The following NRF1 variants were observed in gnomAD, a reference collection of about 807,000 sequenced individuals.
NRF1 encodes the protein alpha palindromic-binding protein.
Under a neutral mutation model 58.5 loss-of-function variants are expected in NRF1, and 5 were observed. That is an observed-to-expected ratio of 0.09 (90% CI 0.04 to 0.18). The LOEUF (loss-of-function observed/expected upper bound fraction) is 0.18. Ranked by LOEUF, NRF1 falls within the 10% of genes least tolerant of loss-of-function variation. NRF1 has a pLI of 1.00. For synonymous variants in NRF1, 224 were observed against 246.7 expected (o/e 0.91, Z 0.86); for missense variants, 288 against 657.7 (o/e 0.44, Z 6.15).
chr7:129,617,236 G>T (rs958538529), intron 1 of NRF1, among the ~76,000 whole-genome samples: 1 of 152,138 alleles, frequency 6.6e-6, no homozygotes, highest in Non-Finnish European at 1.5e-5. Context: ...TTTAAAAAGA[G>T]CATGTATTTT....
At chr7:129,700,495 C>T (rs1802796343) in intron 5 of NRF1, among the ~76,000 whole-genome samples, 1 of 152,174 alleles carries the variant, frequency 6.6e-6, no homozygotes, top group African/African-American at 2.4e-5. Flanking sequence ...ATCACAATTC[C>T]AAACTGCTTC....
At chr7:129,745,516 C>G (rs112675447) in intron 10 of NRF1, among the ~76,000 whole-genome samples, 8 of 140,342 alleles carry the variant, frequency 5.7e-5, no homozygotes, top group African/African-American at 1.0e-4. Context: ...ACCCCCCCCC[C>G]ATCCATGGAA....
intron 4 of NRF1, among the ~76,000 whole-genome samples, chr7:129,686,952 A>G (rs1802456081): frequency 6.6e-6 from 1 of 152,236 alleles, no homozygotes; most frequent in Non-Finnish European, 1.5e-5. Context: ...AAATGTTGAC[A>G]CAATGCTATC....
At chr7:129,618,278 C>G (rs1229996741) in intron 1 of NRF1, among the ~76,000 whole-genome samples, 1 of 152,030 alleles carries the variant, frequency 6.6e-6, no homozygotes, top group Admixed American at 6.6e-5. Context: ...GAGTATGACT[C>G]CAGATGTGTT....
At chr7:129,635,066 A>G (rs1431534666) in intron 1 of NRF1, among the ~76,000 whole-genome samples, 1 of 152,178 alleles carries the variant, frequency 6.6e-6, no homozygotes, top group Non-Finnish European at 1.5e-5. Context: ...TTGTTGGAAT[A>G]GTGTATAAAT....
chr7:129,711,721 T>G (rs2116199082), intron 8 of NRF1, 145 bp downstream of exon 8: 2 of 619,098 alleles, frequency 3.2e-6, no homozygotes, highest in East Asian at 5.7e-5. Flanking sequence ...ATGAAAGTTT[T>G]AGAAAGTGTC....
At chr7:129,614,811 T>G (rs1417619829) in intron 1 of NRF1, among the ~76,000 whole-genome samples, 1 of 152,240 alleles carries the variant, frequency 6.6e-6, no homozygotes, top group Non-Finnish European at 1.5e-5. Flanking sequence ...ACGATAATTA[T>G]GCACTTGTCT....
intron 5 of NRF1, 82 bp from the exon 6 acceptor site, chr7:129,708,990 GTTT>G (rs1803011609): frequency 8.5e-7 from 1 of 1,182,042 alleles, no homozygotes; most frequent in African/African-American, 1.6e-5. Flanking sequence ...AAACCTCTCT[GTTT>G]TATAAGGTTA....
intron 2 of NRF1, among the ~76,000 whole-genome samples, chr7:129,665,776 C>T (rs1002753074): frequency 2.0e-5 from 3 of 152,096 alleles, no homozygotes; most frequent in African/African-American, 7.2e-5. Flanking sequence ...CCATGCCCAG[C>T]TAATTTTTTA....
At chr7:129,695,385 T>G (rs1802664185) in intron 5 of NRF1, among the ~76,000 whole-genome samples, 1 of 152,052 alleles carries the variant, frequency 6.6e-6, no homozygotes, top group African/African-American at 2.4e-5. Flanking sequence ...GAGAGCAGCC[T>G]GGCCAACATG....
At chr7:129,675,475 C>T (rs1400754746) in intron 3 of NRF1, among the ~76,000 whole-genome samples, 5 of 152,190 alleles carry the variant, frequency 3.3e-5, no homozygotes, top group African/African-American at 1.2e-4. Context: ...ATCACTATAG[C>T]AGCTATATCC....
intron 5 of NRF1, among the ~76,000 whole-genome samples, chr7:129,691,163 A>C (rs1802557884): frequency 6.6e-6 from 1 of 152,068 alleles, no homozygotes; most frequent in Admixed American, 6.6e-5. Flanking sequence ...TGCTGGGATT[A>C]CAGGCATGAG....
intron 5 of NRF1, among the ~76,000 whole-genome samples, chr7:129,702,247 G>A (rs1163507434): frequency 6.6e-6 from 1 of 152,158 alleles, no homozygotes; most frequent in Admixed American, 6.5e-5. Context: ...GACTTTAAGA[G>A]CATTTTGATT....
At chr7:129,658,985 A>G (rs1042358480) in intron 2 of NRF1, among the ~76,000 whole-genome samples, 1 of 151,708 alleles carries the variant, frequency 6.6e-6, no homozygotes, top group African/African-American at 2.4e-5. Context: ...ACCATTTTAT[A>G]TCAGGGACTT....
chr7:129,746,690 T>C (rs1323129554), intron 10 of NRF1, among the ~76,000 whole-genome samples: 1 of 152,254 alleles, frequency 6.6e-6, no homozygotes. Context: ...TTTCTAATCA[T>C]GGTCCCGGTT....
intron 10 of NRF1, chr7:129,734,999 C>T (rs1803672538): frequency 1.1e-6 from 1 of 949,638 alleles, no homozygotes; most frequent in South Asian, 4.9e-5. Context: ...GGGGCGTGTT[C>T]ATTTTTGCCT....
In NRF1 at chr7:129,755,501, T is replaced by C. The variant is rs1399474364; in HGVS notation, c.*320T>C. ...GTGAGTGTGAATATATGTATATGTG[T>C]ACATATGGACATACACATTTACATA... On this transcript the variant is annotated 3_prime_UTR_variant, in exon 11 of 11. Transcript: ENST00000393232. The surrounding 1 kb of genome is among the most constrained non-coding windows in gnomAD (Gnocchi z 5.8). The C allele has an allele frequency of 5.9e-6, 1 of 170,166 alleles. No individual in the cohort carries two copies. The highest frequency in any genetic ancestry group is 1.2e-5 in the Non-Finnish European group (1 of 81,080). 10.5% of individuals were successfully genotyped at this position (170,166 alleles called of 1,614,324 possible). A position where few individuals can be genotyped will look rare whatever the true frequency, so the allele number is the denominator to read the frequency against.
Position 129,711,545 on chromosome 7 carries a change from A to G in NRF1, c.1034A>G (p.Gln345Arg), listed in dbSNP as rs1385026192. The G allele has an allele frequency of 6.2e-7, 1 of 1,612,412 alleles. No homozygotes were observed. Among genetic ancestry groups the G allele is most frequent in the East Asian group, 2.2e-5 (1 of 44,854 alleles). The change falls in exon 8 of 11, where the codon CAA becomes CGA. Residue 345 changes from glutamine (Q) to arginine (R), a missense_variant. By Grantham distance (43) the Gln-to-Arg change is conservative. This residue lies in a region of NRF1 where 212 missense variants were observed against 559.7 expected (regional missense o/e 0.38). Coordinates refer to ENST00000393232, the MANE Select transcript of NRF1 (RefSeq NM_005011.5). ...TTGCCAACCACGGTCACCGTTGCCCAAGTGAATTATTCTGCCGTGGCTGAT... is the reference window on the plus strand; with the variant it reads ...TTGCCAACCACGGTCACCGTTGCCCGAGTGAATTATTCTGCCGTGGCTGAT... ...SELPTTVTVA[Q>R]VNYSAVADGE... is the part of the protein sequence containing the mutation.
chr7:129,729,976 A>T (rs947717943), intron 10 of NRF1, among the ~76,000 whole-genome samples: 1 of 151,990 alleles, frequency 6.6e-6, no homozygotes, highest in Admixed American at 6.6e-5. Flanking sequence ...AGTAGCTGGG[A>T]TTATAGACGT....
Sources: allele counts gnomAD v4.1 joint callset (sites outside exome capture counted in the v4.1 genomes callset), GRCh38; gene constraint gnomAD v4.1.1; regional missense constraint gnomAD v4.1.1; non-coding constraint Gnocchi (gnomAD v3.1); transcripts MANE v1.5; gene names NCBI Gene and HGNC (gene_info 2026-07-23, HGNC 2026-07-21).